Variants in FAM222B observed in about 807,000 individuals in gnomAD.
FAM222B encodes family with sequence similarity 222 member B.
A neutral mutation model predicts 38.0 loss-of-function variants in FAM222B; 12 were observed. That is an observed-to-expected ratio of 0.32 (90% CI 0.20 to 0.51). The LOEUF is 0.51. Among genes scored for constraint, FAM222B ranks in the 20% least tolerant of loss-of-function variants. The pLI, the probability that FAM222B is intolerant of heterozygous loss-of-function variation, is 0.97. For synonymous variants in FAM222B, 329 were observed against 317.2 expected (o/e 1.04, Z -0.40); for missense variants, 716 against 754.2 (o/e 0.95, Z 0.59).
chr17:28,768,393 G>A (rs2035443109), intron 1 of FAM222B, among the ~76,000 whole-genome samples: 1 of 152,184 alleles, frequency 6.6e-6, no homozygotes, highest in African/African-American at 2.4e-5. Flanking sequence ...CTGTGTCTAA[G>A]ATAGCAACTG....
chr17:28,784,481 T>C, intron 1 of FAM222B, among the ~76,000 whole-genome samples: 1 of 67,210 alleles, frequency 1.5e-5, no homozygotes, highest in African/African-American at 6.0e-5. Context: ...CAGAGTAAGA[T>C]CCCCTCTCTT....
At chr17:28,839,171 C>T (rs1164295250) in intron 1 of FAM222B, among the ~76,000 whole-genome samples, 1 of 152,104 alleles carries the variant, frequency 6.6e-6, no homozygotes, top group Non-Finnish European at 1.5e-5. Context: ...CGCGCCACTG[C>T]AATCCAGTCT....
At chr17:28,832,597 A>G (rs2038704373) in intron 1 of FAM222B, among the ~76,000 whole-genome samples, 1 of 152,184 alleles carries the variant, frequency 6.6e-6, no homozygotes. Flanking sequence ...AAGGGTTAAC[A>G]TATTTCCATT....
chr17:28,779,291 T>A (rs956054571), intron 1 of FAM222B, among the ~76,000 whole-genome samples: 1 of 151,956 alleles, frequency 6.6e-6, no homozygotes, highest in Non-Finnish European at 1.5e-5. Context: ...AACAAAATAC[T>A]AACAAACCAA....
intron 1 of FAM222B, among the ~76,000 whole-genome samples, chr17:28,775,196 TCACCA>T: frequency 6.6e-6 from 1 of 151,434 alleles, no homozygotes; most frequent in African/African-American, 2.4e-5. Flanking sequence ...AAACAGGGTT[TCACCA>T]TGTTGGCCAG....
At chr17:28,827,462 C>T (rs2038485896) in intron 1 of FAM222B, among the ~76,000 whole-genome samples, 1 of 152,064 alleles carries the variant, frequency 6.6e-6, no homozygotes, top group Admixed American at 6.6e-5. Flanking sequence ...ATGTAAGGAA[C>T]ATGCATTCTA....
chr17:28,836,446 C>T (rs2038848428), intron 1 of FAM222B, among the ~76,000 whole-genome samples: 1 of 152,060 alleles, frequency 6.6e-6, no homozygotes, highest in African/African-American at 2.4e-5. Context: ...ACAGACAAAA[C>T]CCCTCAGATG....
intron 1 of FAM222B, among the ~76,000 whole-genome samples, chr17:28,822,833 ATATAT>A (rs1211446843): frequency 7.3e-5 from 3 of 40,972 alleles, no homozygotes; most frequent in East Asian, 8.2e-4. Flanking sequence ...AAAAAAAAAA[ATATAT>A]ATATATATAT....
intron 1 of FAM222B, chr17:28,834,940 T>C (rs2038788082): frequency 1.3e-5 from 2 of 148,782 alleles, no homozygotes; most frequent in Admixed American, 1.3e-4. Flanking sequence ...CTGCAACCTA[T>C]GCCTCCCAGG....
intron 1 of FAM222B, among the ~76,000 whole-genome samples, chr17:28,854,218 C>G (rs1010549620): frequency 6.6e-6 from 1 of 152,182 alleles, no homozygotes; most frequent in African/African-American, 2.4e-5. Flanking sequence ...GCTGGGATTA[C>G]AGGCGTGAGC....
chr17:28,832,943 G>T (rs901518399), intron 1 of FAM222B, among the ~76,000 whole-genome samples: 1 of 149,028 alleles, frequency 6.7e-6, no homozygotes, highest in Non-Finnish European at 1.5e-5. Flanking sequence ...GGCTGAGCCA[G>T]GAGGATCACT....
At chr17:28,809,345 T>G (rs1054759556) in intron 1 of FAM222B, among the ~76,000 whole-genome samples, 3 of 129,562 alleles carry the variant, frequency 2.3e-5, no homozygotes. Flanking sequence ...AGAGCGAGAC[T>G]CCGTCTCAAA....
chr17:28,831,941 G>A (rs1431585014), intron 1 of FAM222B, among the ~76,000 whole-genome samples: 2 of 152,186 alleles, frequency 1.3e-5, no homozygotes, highest in Non-Finnish European at 2.9e-5. Flanking sequence ...TGTAATCCCA[G>A]CACTTTGGGA....
intron 1 of FAM222B, among the ~76,000 whole-genome samples, 157 bp downstream of exon 1, chr17:28,842,525 C>A (rs1307300499): frequency 6.6e-6 from 1 of 152,220 alleles, no homozygotes; most frequent in African/African-American, 2.4e-5. Flanking sequence ...GCGACCGGGC[C>A]ACCCGTGCCC....
In FAM222B at chr17:28,758,032, T is replaced by G. The variant is rs993001730; in HGVS notation, c.*238A>C. Reference sequence around the variant, plus strand: ...GGTGGAGAGACTAGCTGACAGGCAGTCAGTGGAGAGAAAAGCCTGGGCTTA... The same window carrying G: ...GGTGGAGAGACTAGCTGACAGGCAGGCAGTGGAGAGAAAAGCCTGGGCTTA... On this transcript the variant is annotated 3_prime_UTR_variant, in exon 3 of 3. Transcript: ENST00000581407. 3.1e-5 allele frequency: 13 copies of G among 421,864 alleles called. No individual in the cohort carries two copies. The highest frequency in any genetic ancestry group is 1.1e-4 in the East Asian group (3 of 26,112). 26.1% of individuals were successfully genotyped at this position (421,864 alleles called of 1,614,324 possible).
At chr17:28,761,762 T>C (rs1167039380) in intron 2 of FAM222B, among the ~76,000 whole-genome samples, 1 of 152,146 alleles carries the variant, frequency 6.6e-6, no homozygotes, top group Non-Finnish European at 1.5e-5. Flanking sequence ...AACAGGTCTG[T>C]GCTTTCAAAT....
chr17:28,762,131 C>T (rs2035106114), intron 2 of FAM222B: 1 of 152,040 alleles, frequency 6.6e-6, no homozygotes, highest in South Asian at 2.1e-4. Context: ...GTCCTGCCTC[C>T]ACTGATGCTG....
Position 28,757,070 on chromosome 17 carries a change from T to C in FAM222B, c.*1200A>G, listed in dbSNP as rs186218185. On this transcript the variant is annotated 3_prime_UTR_variant, in exon 3 of 3. Transcript: ENST00000581407. ...CGCTTGGGATGAGACGTGCTGAGCA[T>C]GGAGTGGATGAAGGTATGCTCTAAG... is the stretch of plus-strand genomic sequence containing the variant. The C allele has an allele frequency of 1.1e-3, 165 of 152,770 alleles. 1 individual carries two copies. The highest frequency in any genetic ancestry group is 3.8e-3 in the African/African-American group (157 of 41,586). The allele number at this position is 152,770 out of a possible 1,614,324, so 9.5% of individuals were successfully genotyped here.
intron 1 of FAM222B, among the ~76,000 whole-genome samples, chr17:28,782,169 A>T (rs1428768442): frequency 6.6e-6 from 1 of 152,058 alleles, no homozygotes; most frequent in Non-Finnish European, 1.5e-5. Flanking sequence ...CAAAAAATAA[A>T]TAATTAGCTG....
Sources: allele counts gnomAD v4.1 joint callset (sites outside exome capture counted in the v4.1 genomes callset), GRCh38; gene constraint gnomAD v4.1.1; transcripts MANE v1.5; gene names NCBI Gene and HGNC (gene_info 2026-07-23, HGNC 2026-07-21).